Variants in TRA2B observed in about 807,000 individuals in gnomAD.
TRA2B encodes transformer 2 beta homolog.
Under a neutral mutation model 41.7 loss-of-function variants are expected in TRA2B, and 14 were observed. That is an observed-to-expected ratio of 0.34 (90% CI 0.22 to 0.53). The LOEUF (loss-of-function observed/expected upper bound fraction) is 0.53. TRA2B is among the 20% of genes least tolerant of loss of function. TRA2B has a pLI of 0.95. For missense variants in TRA2B, 167 were observed against 396.8 expected (o/e 0.42, Z 4.92); for synonymous variants, 130 against 128.8 (o/e 1.01, Z -0.06).
chr3:185,936,671 A>T, intron 1 of TRA2B: 9 of 969,494 alleles, frequency 9.3e-6, no homozygotes, highest in Non-Finnish European at 1.1e-5. Context: ...CTTAGGTAAC[A>T]AATTGTTTTT....
intron 1 of TRA2B, chr3:185,931,389 G>A (rs1744151089): frequency 4.5e-6 from 1 of 221,624 alleles, no homozygotes; most frequent in African/African-American, 2.3e-5. Context: ...CCTGGTGCTT[G>A]ACTACTAAAT....
At chr3:185,922,269 A>C in intron 4 of TRA2B, 143 bp from the exon 5 acceptor site, 1 of 499,598 alleles carries the variant, frequency 2.0e-6, no homozygotes, top group Non-Finnish European at 3.5e-6. Context: ...TCTACAACTT[A>C]CAAATGTGTT....
chr3:185,925,218 G>GTT (rs151244641), intron 3 of TRA2B: 730 of 325,288 alleles, frequency 2.2e-3, no homozygotes, highest in South Asian at 4.0e-3. Flanking sequence ...GCAGTCGGAA[G>GTT]TTTTTTTTTT....
rs548349155 is a variant in TRA2B, at chr3:185,916,881, G to A, written c.*834C>T. ...AAAGTCTTCAGTTCATCCATGACAG[G>A]TATAGTGTTCCCTTATCATGTACTT... On this transcript the variant is annotated 3_prime_UTR_variant, in exon 9 of 9. Coordinates refer to ENST00000453386, the MANE Select transcript of TRA2B (RefSeq NM_004593.3). The A allele has an allele frequency of 2.6e-5, 4 of 151,414 alleles. 1 individual carries two copies. Among genetic ancestry groups the A allele is most frequent in the African/African-American group, 7.3e-5 (3 of 40,988 alleles). The allele number at this position is 151,414 out of a possible 1,614,324, so 9.4% of individuals were successfully genotyped here. A position where few individuals can be genotyped will look rare whatever the true frequency, so the allele number is the denominator to read the frequency against.
At chr3:185,932,093 T>C (rs753261573) in intron 1 of TRA2B, among the ~76,000 whole-genome samples, 1 of 152,224 alleles carries the variant, frequency 6.6e-6, no homozygotes, top group Non-Finnish European at 1.5e-5. Context: ...GAATGTGAAG[T>C]GCGCCACTGA....
rs199549825 is a variant in TRA2B, at chr3:185,935,898, GA to G, written c.36+1926del. On this transcript the variant is annotated intron_variant, in intron 1 of 8. Transcript: ENST00000453386. ...CCAGAAAGCGAAGACTCTTATGTAA[GA>G]AAAAAAACTCAATTTTTAACACATT... 11 of 984,006 alleles carry G rather than the reference GA, an allele frequency of 1.1e-5. 1 individual carries two copies. Among genetic ancestry groups the G allele is most frequent in the East Asian group, 2.3e-4 (2 of 8,814 alleles). The allele number at this position is 984,006 out of a possible 1,614,324, so 61.0% of individuals were successfully genotyped here. A position where few individuals can be genotyped will look rare whatever the true frequency, so the allele number is the denominator to read the frequency against.
chr3:185,933,719 A>G (rs1744238442), intron 1 of TRA2B, among the ~76,000 whole-genome samples: 1 of 152,124 alleles, frequency 6.6e-6, no homozygotes, highest in Non-Finnish European at 1.5e-5. Context: ...CAAAAACTGG[A>G]GAATAGTGTC....
Position 185,921,118 on chromosome 3 carries a change from A to G in TRA2B, c.708T>C (p.Tyr236=), listed in dbSNP as rs1265507845. 2 of 1,613,988 alleles carry G rather than the reference A, an allele frequency of 1.2e-6. No homozygotes were observed. Among genetic ancestry groups the G allele is most frequent in the East Asian group, 2.2e-5 (1 of 44,880 alleles). ...TCATAACTTACCTGTATGATCTGCT[A>G]TAGTAGTCCCGATCATCATAGCCCC... The part of the protein sequence containing the change: ...YDRGYDDRDY[Y]SRSYRGGGGG... The change falls in exon 6 of 9, where the codon TAT becomes TAC. Residue 236 remains tyrosine, a synonymous_variant. Coordinates refer to ENST00000453386, the MANE Select transcript of TRA2B (RefSeq NM_004593.3).
chr3:185,925,330 C>A (rs1743905835), intron 3 of TRA2B, 134 bp downstream of exon 3: 2 of 1,080,932 alleles, frequency 1.9e-6, no homozygotes, highest in Admixed American at 5.9e-5. Flanking sequence ...AAGACTCTCT[C>A]AAAACACTAA....
intron 1 of TRA2B, chr3:185,934,694 A>C: frequency 1.0e-6 from 1 of 985,332 alleles, no homozygotes; most frequent in Non-Finnish European, 1.2e-6. Context: ...TGAAAATTAG[A>C]ATTTAGAGTT....
At position 185,937,561 on chromosome 3, in the gene TRA2B, TC is replaced by T. The variant is rs1276602993; in HGVS notation, c.36+263del. 4 of 948,136 alleles carry T rather than the reference TC, an allele frequency of 4.2e-6. No homozygotes were observed. In the African/African-American group the frequency reaches 6.8e-5, roughly 16 times the overall value. 58.7% of individuals were successfully genotyped at this position (948,136 alleles called of 1,614,324 possible). A position where few individuals can be genotyped will look rare whatever the true frequency, so the allele number is the denominator to read the frequency against. ...GGGGACGCAGCGGCCATTTTCATCTTCCCCCTCTTATAACGGGAAAAACGGC... is the reference window on the plus strand; with the variant it reads ...GGGGACGCAGCGGCCATTTTCATCTTCCCCTCTTATAACGGGAAAAACGGC... On this transcript the variant is annotated intron_variant, in intron 1 of 8. Coordinates refer to ENST00000453386, the MANE Select transcript of TRA2B (RefSeq NM_004593.3).
At chr3:185,929,703 A>G (rs574725130) in intron 1 of TRA2B, among the ~76,000 whole-genome samples, 1 of 152,146 alleles carries the variant, frequency 6.6e-6, no homozygotes, top group Non-Finnish European at 1.5e-5. Context: ...AGGACTAACC[A>G]TCCAATCCCT....
intron 1 of TRA2B, chr3:185,928,188 A>G (rs1231735445): frequency 6.6e-6 from 1 of 152,198 alleles, no homozygotes; most frequent in African/African-American, 2.4e-5. Flanking sequence ...TTTGATGCTC[A>G]GGGAAAACAT....
intron 1 of TRA2B, chr3:185,928,315 T>C (rs1284468622): frequency 6.6e-6 from 1 of 152,200 alleles, no homozygotes; most frequent in Non-Finnish European, 1.5e-5. Context: ...CTAGAAACGT[T>C]CAAATGACTT....
chr3:185,918,485 A>G (rs1743590003), intron 7 of TRA2B, 47 bp from the exon 8 acceptor site: 3 of 1,345,148 alleles, frequency 2.2e-6, no homozygotes, highest in Middle Eastern at 1.8e-4. Flanking sequence ...GATCACAATT[A>G]GACCAAACAT....
chr3:185,920,308 T>C (rs960765138), intron 6 of TRA2B, among the ~76,000 whole-genome samples: 1 of 152,216 alleles, frequency 6.6e-6, no homozygotes, highest in South Asian at 2.1e-4. Context: ...AAATTTGCTT[T>C]TATAAGCCAT....
chr3:185,918,746 C>T lies in TRA2B; in HGVS notation c.783-308G>A, dbSNP rs147850145. Reference sequence around the variant, plus strand: ...TTCCTGGCTGGGTGCGGTGGCTCAACGCCTATAATCCCAGCACTTTGGGAG... The same window carrying T: ...TTCCTGGCTGGGTGCGGTGGCTCAATGCCTATAATCCCAGCACTTTGGGAG... On this transcript the variant is annotated intron_variant, in intron 7 of 8. Transcript: ENST00000453386. 3.2e-3 allele frequency among the ~76,000 whole-genome samples: 493 copies of T among 152,158 alleles called. 2 individuals carry two copies. Among genetic ancestry groups the T allele is most frequent in the African/African-American group, 0.011 (448 of 41,506 alleles).
At position 185,937,810 on chromosome 3, in the gene TRA2B, C is replaced by A; in HGVS notation, c.36+15G>T. ...CTAGGACCACACAGCCACCCCCTAC[C>A]GCAGCTCTACGTACCCGCTCGCCGT... On this transcript the variant is annotated intron_variant, in intron 1 of 8. Transcript: ENST00000453386. 1 of 1,614,124 alleles carries A rather than the reference C, an allele frequency of 6.2e-7. No homozygotes were observed. The highest frequency in any genetic ancestry group is 1.1e-5 in the South Asian group (1 of 91,086).
At chr3:185,921,713 G>T (rs914177805) in intron 5 of TRA2B, among the ~76,000 whole-genome samples, 3 of 152,154 alleles carry the variant, frequency 2.0e-5, no homozygotes, top group African/African-American at 7.2e-5. Flanking sequence ...GCAGTGAACT[G>T]AGATTGCACC....
Sources: gnomAD v4.1 joint callset for allele counts (sites outside exome capture counted in the v4.1 genomes callset) on GRCh38, gnomAD v4.1.1 for gene constraint, MANE v1.5 for transcripts, NCBI Gene and HGNC (gene_info 2026-07-23, HGNC 2026-07-21) for gene names.